The following TATDN1 variants were observed in gnomAD, a reference collection of about 807,000 sequenced individuals.
The protein encoded by TATDN1 is TatD DNase domain containing 1.
Under a neutral mutation model 46.4 loss-of-function variants are expected in TATDN1, and 40 were observed. The ratio of observed to expected loss-of-function variants is 0.86; its 90% CI spans 0.67 to 1.12. The LOEUF is 1.12. Among genes scored for constraint, TATDN1 ranks in the 50% most tolerant of loss-of-function variants. TATDN1 has a pLI of 0.00. For missense variants in TATDN1, 326 were observed against 348.4 expected (o/e 0.94, Z 0.51); for synonymous variants, 95 against 105.6 (o/e 0.90, Z 0.62).
rs574531637 is a variant in TATDN1, at chr8:124,515,682, A to G, written c.389+64T>C. The stretch of plus-strand genomic sequence containing the variant: ...TAATCCAACTATACTCTCACCTGAT[A>G]CAAGATATTTTAAAAATCACTCATG... On this transcript the variant is annotated intron_variant, in intron 6 of 11. Transcript: ENST00000276692. 5 of 1,490,148 alleles carry G rather than the reference A, an allele frequency of 3.4e-6. No individual in the cohort carries two copies. The Admixed American group carries it at 5.3e-5, about 16-fold the overall frequency. The allele number at this position is 1,490,148 out of a possible 1,614,324, so 92.3% of individuals were successfully genotyped here.
rs567255030 is a variant in TATDN1, at chr8:124,503,932, G to A, written c.593+339C>T. 2.0e-4 allele frequency: 264 copies of A among 1,303,032 alleles called. No homozygotes were observed. In the African/African-American group the frequency reaches 3.3e-3, roughly 17 times the overall value. The allele number at this position is 1,303,032 out of a possible 1,614,324, so 80.7% of individuals were successfully genotyped here. A position where few individuals can be genotyped will look rare whatever the true frequency, so the allele number is the denominator to read the frequency against. ...CCGTTCGTCCATAGTCAGATATGAC[G>A]TGTATATGTATACATAATGCTGTGA... On this transcript the variant is annotated intron_variant, in intron 9 of 11. Coordinates refer to ENST00000276692, the MANE Select transcript of TATDN1 (RefSeq NM_032026.4).
intron 6 of TATDN1, among the ~76,000 whole-genome samples, chr8:124,508,936 C>T (rs892315470): frequency 3.3e-5 from 5 of 152,188 alleles, no homozygotes; most frequent in African/African-American, 1.2e-4. Flanking sequence ...GAAAGTAACA[C>T]CACTGGCCCC....
intron 1 of TATDN1, among the ~76,000 whole-genome samples, chr8:124,532,143 G>A (rs1229986834): frequency 6.6e-6 from 1 of 152,190 alleles, no homozygotes; most frequent in Non-Finnish European, 1.5e-5. Flanking sequence ...GGAGCCACAT[G>A]CTGGGTGGCA....
intron 9 of TATDN1, chr8:124,503,734 A>G (rs1276789805): frequency 5.5e-6 from 2 of 365,652 alleles, no homozygotes; most frequent in Admixed American, 6.0e-5. Context: ...TAGCTGTGCT[A>G]GCTGACTGTA....
intron 1 of TATDN1, among the ~76,000 whole-genome samples, chr8:124,536,600 A>T (rs1821447599): frequency 6.6e-6 from 1 of 152,204 alleles, no homozygotes; most frequent in African/African-American, 2.4e-5. Context: ...GCCACTTGTT[A>T]TGCAAGTAGA....
chr8:124,492,853 A>C (rs1354447453), intron 11 of TATDN1, among the ~76,000 whole-genome samples: 1 of 151,752 alleles, frequency 6.6e-6, no homozygotes, highest in Non-Finnish European at 1.5e-5. Context: ...ATTTCTTTAG[A>C]GACAGGGGTC....
At chr8:124,493,676 T>C (rs990875638) in intron 11 of TATDN1, 157 bp downstream of exon 11, 63 of 734,848 alleles carry the variant, frequency 8.6e-5, no homozygotes, top group Non-Finnish European at 3.4e-5. Flanking sequence ...AAACCAGGTA[T>C]GCAAATTCCT....
chr8:124,517,675 C>A (rs939031153), intron 4 of TATDN1, among the ~76,000 whole-genome samples: 2 of 152,074 alleles, frequency 1.3e-5, no homozygotes, highest in Admixed American at 6.5e-5. Context: ...ACTAGGATTC[C>A]TTTAATAATC....
At chr8:124,510,009 TGA>T in intron 6 of TATDN1, among the ~76,000 whole-genome samples, 1 of 143,270 alleles carries the variant, frequency 7.0e-6, no homozygotes, top group African/African-American at 2.6e-5. Context: ...CCAGCCTGGG[TGA>T]GAGAGCAACA....
At chr8:124,495,613 T>TCTAA in intron 9 of TATDN1, 71 bp from the exon 10 acceptor site, 1 of 1,267,368 alleles carries the variant, frequency 7.9e-7, no homozygotes, top group South Asian at 1.3e-5. Context: ...TCACAACTTG[T>TCTAA]CTAAAATGCT....
At chr8:124,503,390 GTTAGTACTACTTGACTT>G (rs1331422007) in intron 9 of TATDN1, among the ~76,000 whole-genome samples, 3 of 152,130 alleles carry the variant, frequency 2.0e-5, no homozygotes, top group African/African-American at 7.2e-5. Context: ...GTTCATATCT[GTTAGTACTACTTGACTT>G]TTTAATCTCT....
intron 1 of TATDN1, among the ~76,000 whole-genome samples, chr8:124,531,427 T>C (rs975514304): frequency 2.6e-5 from 4 of 152,164 alleles, no homozygotes; most frequent in Non-Finnish European, 4.4e-5. Context: ...CTGGGGGTAA[T>C]AGGCACAGTG....
At chr8:124,494,003 A>T (rs1817246179) in intron 10 of TATDN1, 44 bp from the exon 11 acceptor site, 1 of 1,538,072 alleles carries the variant, frequency 6.5e-7, no homozygotes, top group South Asian at 1.3e-5. Context: ...TTACATTTTT[A>T]AAAATTTTTT....
chr8:124,535,561 G>C (rs971838308), intron 1 of TATDN1, among the ~76,000 whole-genome samples: 4 of 152,194 alleles, frequency 2.6e-5, no homozygotes, highest in Non-Finnish European at 5.9e-5. Context: ...TGGAAAGGTG[G>C]AGACTGTGAT....
intron 6 of TATDN1, among the ~76,000 whole-genome samples, chr8:124,509,691 G>A (rs1818837257): frequency 6.6e-6 from 1 of 151,968 alleles, no homozygotes; most frequent in Admixed American, 6.6e-5. Context: ...TACCCCCTTT[G>A]CTCTCTTGAA....
intron 1 of TATDN1, among the ~76,000 whole-genome samples, chr8:124,534,858 G>C (rs1439603949): frequency 1.3e-5 from 2 of 152,136 alleles, no homozygotes; most frequent in Non-Finnish European, 2.9e-5. Context: ...CCCCTTCTCA[G>C]GTTTGATCAT....
chr8:124,514,477 T>C (rs941884913), intron 6 of TATDN1, among the ~76,000 whole-genome samples: 3 of 152,166 alleles, frequency 2.0e-5, no homozygotes, highest in African/African-American at 7.2e-5. Context: ...GGACAGAGGA[T>C]TGTTTATTCT....
intron 1 of TATDN1, among the ~76,000 whole-genome samples, chr8:124,534,145 CAAAA>C (rs869060230): frequency 4.1e-4 from 21 of 51,254 alleles, no homozygotes; most frequent in African/African-American, 1.9e-3. Flanking sequence ...GACTCCGTCT[CAAAA>C]AAAAAAAAAA....
chr8:124,497,487 A>G (rs1347642873), intron 9 of TATDN1, among the ~76,000 whole-genome samples: 1 of 151,990 alleles, frequency 6.6e-6, no homozygotes, highest in Non-Finnish European at 1.5e-5. Flanking sequence ...GGGTTTCACC[A>G]TGTTGGCCAG....
Sources: allele counts gnomAD v4.1 joint callset (sites outside exome capture counted in the v4.1 genomes callset), GRCh38; gene constraint gnomAD v4.1.1; transcripts MANE v1.5; gene names NCBI Gene and HGNC (gene_info 2026-07-23, HGNC 2026-07-21).